Variants in SUN3 observed in about 807,000 individuals in gnomAD.
The protein encoded by SUN3 is SUN domain-containing protein 3.
A neutral mutation model predicts 48.2 loss-of-function variants in SUN3; 36 were observed. The ratio of observed to expected loss-of-function variants is 0.75; its 90% CI spans 0.57 to 0.99. The LOEUF (loss-of-function observed/expected upper bound fraction) is 0.99, where lower values mean the gene tolerates loss of function less well. Among genes scored for constraint, SUN3 ranks in the 50% least tolerant of loss-of-function variants. The probability of loss-of-function intolerance (pLI) is 0.00; values close to 1 mark genes in which losing one functional copy is unlikely to be tolerated. For synonymous variants in SUN3, 148 were observed against 147.9 expected (o/e 1.00, Z 0.00); for missense variants, 419 against 433.1 (o/e 0.97, Z 0.29).
chr7:48,035,051 T>C, the SUN3 span, among the ~76,000 whole-genome samples: 1 of 152,190 alleles, frequency 6.6e-6, no homozygotes, highest in Non-Finnish European at 1.5e-5. The surrounding 1 kb of genome is among the most constrained non-coding windows in gnomAD (Gnocchi z 4.0). Flanking sequence ...TGCATCTCAT[T>C]AGTAAATTCT....
upstream of SUN3, among the ~76,000 whole-genome samples, chr7:48,033,557 G>A (rs969070651): frequency 6.6e-6 from 1 of 151,752 alleles, no homozygotes; most frequent in Non-Finnish European, 1.5e-5. Context: ...GCAATATCCT[G>A]TCTCAAAAAA....
At chr7:48,017,719 G>A (rs539515088) in intron 2 of SUN3, among the ~76,000 whole-genome samples, 3 of 152,274 alleles carry the variant, frequency 2.0e-5, no homozygotes, top group East Asian at 3.9e-4. Context: ...CCTGGTGGTG[G>A]CAGCTATAGG....
chr7:48,001,531 G>GTTTTTTTTT (rs1166666161), intron 6 of SUN3, among the ~76,000 whole-genome samples: 37 of 110,484 alleles, frequency 3.3e-4, no homozygotes, highest in East Asian at 1.6e-3. Flanking sequence ...TGTTTTTTTT[G>GTTTTTTTTT]TTTTTTTTTT....
Position 47,994,469 on chromosome 7 carries a change from G to A in SUN3, c.707C>T (p.Pro236Leu), listed in dbSNP as rs746027846. 1 of 1,596,574 alleles carries A rather than the reference G, an allele frequency of 6.3e-7. No individual in the cohort carries two copies. The highest frequency in any genetic ancestry group is 1.1e-5 in the South Asian group (1 of 87,736). Residue 236 changes from proline (P) to leucine (L), a missense_variant, in exon 8 of 10, where the codon CCT (proline) becomes CTT (leucine). Physicochemically the swap from Pro to Leu is moderately conservative, Grantham distance 98. Transcript: ENST00000297325. ...ACCTGGAAAAGCCCAGCACTTTCCAGGGTAGACATCCGGCTGGAAAGAAAA... is the reference window on the plus strand; with the variant it reads ...ACCTGGAAAAGCCCAGCACTTTCCAAGGTAGACATCCGGCTGGAAAGAAAA... Reference protein sequence around the residue: ...PDIILQPDVYPGKCWAFPGSQ... With the variant: ...PDIILQPDVYLGKCWAFPGSQ...
At chr7:48,033,596 C>A (rs1177466464), upstream of SUN3, among the ~76,000 whole-genome samples, 4 of 152,192 alleles carry the variant, frequency 2.6e-5, no homozygotes, top group South Asian at 8.3e-4. Context: ...TAAAAAGTTT[C>A]TTCTAAGGAA....
chr7:48,017,482 A>G, intron 2 of SUN3, 117 bp from the exon 3 acceptor site: 1 of 663,808 alleles, frequency 1.5e-6, no homozygotes, highest in Non-Finnish European at 2.6e-6. Flanking sequence ...TAAGAATATC[A>G]GATCCTTGGG....
chr7:48,019,977 C>CAAAAAAAAAAAAA (rs869166401), intron 2 of SUN3, among the ~76,000 whole-genome samples: 67 of 64,112 alleles, frequency 1.0e-3, no homozygotes, highest in Non-Finnish European at 1.3e-3. Context: ...AAAGACACAT[C>CAAAAAAAAAAAAA]AAAAAAAAAA....
At chr7:48,023,384 A>C (rs747217744) in intron 2 of SUN3, among the ~76,000 whole-genome samples, 6 of 152,122 alleles carry the variant, frequency 3.9e-5, no homozygotes, top group Non-Finnish European at 5.9e-5. Context: ...GTAGGGTCTC[A>C]GTTGAAATCC....
upstream of SUN3, among the ~76,000 whole-genome samples, chr7:48,033,232 GT>G (rs1390940374): frequency 6.6e-6 from 1 of 152,064 alleles, no homozygotes; most frequent in African/African-American, 2.4e-5. Context: ...GTCTGATCTG[GT>G]TTGCAAATAT....
intron 6 of SUN3, among the ~76,000 whole-genome samples, chr7:48,005,041 A>C (rs1472640495): frequency 6.6e-6 from 1 of 152,220 alleles, no homozygotes; most frequent in South Asian, 2.1e-4. Context: ...CTCACTCTGC[A>C]TGTGCTACTC....
At chr7:48,014,037 C>T (rs932477164) in intron 3 of SUN3, among the ~76,000 whole-genome samples, 1 of 152,204 alleles carries the variant, frequency 6.6e-6, no homozygotes, top group Admixed American at 6.5e-5. Flanking sequence ...ACAAGCACAG[C>T]TGACTGCAGC....
chr7:48,007,394 G>T (rs1232240145), intron 4 of SUN3, 67 bp from the exon 5 acceptor site: 2 of 1,468,234 alleles, frequency 1.4e-6, no homozygotes, highest in East Asian at 4.6e-5. Flanking sequence ...CTGTTGCTGG[G>T]CTCCACCCGC....
At chr7:48,006,137 C>T (rs1474142210) in intron 5 of SUN3, 84 bp from the exon 6 acceptor site, 1 of 1,019,736 alleles carries the variant, frequency 9.8e-7, no homozygotes, top group Non-Finnish European at 1.5e-6. Flanking sequence ...TGATTTGGAC[C>T]TAATTTGCAA....
intron 5 of SUN3, 44 bp from the exon 6 acceptor site, chr7:48,006,097 AACT>A: frequency 7.3e-7 from 1 of 1,365,526 alleles, no homozygotes; most frequent in Middle Eastern, 1.8e-4. Flanking sequence ...AATCTTTGCC[AACT>A]GCTTGAGTTT....
chr7:47,988,847 A>C lies in SUN3; in HGVS notation c.895T>G (p.Phe299Val), dbSNP rs1184981260. The C allele has an allele frequency of 6.2e-7, 1 of 1,607,142 alleles. No homozygotes were observed. The highest frequency in any genetic ancestry group is 8.5e-7 in the Non-Finnish European group (1 of 1,176,284). Residue 299 changes from phenylalanine (F) to valine (V), a missense_variant, in exon 9 of 10, where the codon TTC becomes GTC. Phe to Val is a conservative substitution (Grantham distance 50). Coordinates refer to ENST00000297325, the MANE Select transcript of SUN3 (RefSeq NM_001030019.2). ...TTGTTATATATAAACTGACCTAGGA[A>C]AATTTCTTCTCCTTCACATTTTTTT... ...ITKKCEGEEI[F>V]LGQFIYNKTG...
intron 1 of SUN3, among the ~76,000 whole-genome samples, chr7:48,027,742 A>G (rs1028404290): frequency 1.3e-5 from 2 of 152,224 alleles, no homozygotes; most frequent in Non-Finnish European, 2.9e-5. Context: ...AGAGTGTGAC[A>G]GTGTGGAAAC....
rs751452483 is a variant in SUN3, at chr7:47,994,348, G to A, written c.828C>T (p.Asn276=). Residue 276 remains asparagine (N), a synonymous_variant, in exon 8 of 10, where the codon AAC becomes AAT. Coordinates refer to ENST00000297325, the MANE Select transcript of SUN3 (RefSeq NM_001030019.2). ...AAAATTCCTTGGGTGCACTGGAGAT[G>A]TTTCCTGACGGAGACACCTTCTCTG... is the stretch of plus-strand genomic sequence containing the variant. ...HISEKVSPSG[N]ISSAPKEFSV... The A allele has an allele frequency of 2.0e-5, 32 of 1,613,444 alleles. 2 individuals are homozygous for A. In the South Asian group the frequency reaches 3.1e-4, roughly 16 times the overall value.
At chr7:48,033,130 T>C (rs1790274610), upstream of SUN3, among the ~76,000 whole-genome samples, 1 of 152,250 alleles carries the variant, frequency 6.6e-6, no homozygotes. Flanking sequence ...TGTCATAAAG[T>C]ATAGAAAATA....
In SUN3 at chr7:48,001,103, T is replaced by A. The variant is rs565360085; in HGVS notation, c.577+4866A>T. Among the ~76,000 whole-genome samples, 5 of 152,362 alleles carry A rather than the reference T, an allele frequency of 3.3e-5. No homozygotes were observed. The South Asian group carries it at 8.3e-4, about 25-fold the overall frequency. Reference sequence around the variant, plus strand: ...TCACTACTTCTTTATTTTTAATTTTTAAGTTCGGGGTACATGTGCAGGTTT... The same window carrying A: ...TCACTACTTCTTTATTTTTAATTTTAAAGTTCGGGGTACATGTGCAGGTTT... On this transcript the variant is annotated intron_variant, in intron 6 of 9. Coordinates refer to ENST00000297325, the MANE Select transcript of SUN3 (RefSeq NM_001030019.2).
Sources: allele counts gnomAD v4.1 joint callset (sites outside exome capture counted in the v4.1 genomes callset), GRCh38; gene constraint gnomAD v4.1.1; non-coding constraint Gnocchi (gnomAD v3.1); transcripts MANE v1.5; gene names NCBI Gene and HGNC (gene_info 2026-07-23, HGNC 2026-07-21).